KLHL32: variants seen among roughly 807,000 people sequenced by gnomAD.
KLHL32 encodes kelch-like protein 32.
In KLHL32, 35 loss-of-function variants were observed where a neutral mutation model predicts 64.8. That is an observed-to-expected ratio of 0.54 (90% CI 0.41 to 0.72). KLHL32 has a LOEUF of 0.72. Among genes scored for constraint, KLHL32 ranks in the 30% least tolerant of loss-of-function variants. The probability of loss-of-function intolerance (pLI) is 0.00; values close to 1 mark genes in which losing one functional copy is unlikely to be tolerated. For synonymous variants in KLHL32, 259 were observed against 281.0 expected, an observed-to-expected ratio of 0.92 and a Z score of 0.78; for missense variants, 589 against 768.5, an observed-to-expected ratio of 0.77 and a Z score of 2.76.
intron 1 of KLHL32, among the ~76,000 whole-genome samples, chr6:96,959,198 A>G (rs975060738): frequency 4.6e-5 from 7 of 152,140 alleles, no homozygotes; most frequent in Non-Finnish European, 8.8e-5. Context: ...GAGGCCTCCA[A>G]CGTCATGGAT....
At chr6:96,907,155 T>A in the KLHL32 span, among the ~76,000 whole-genome samples, 2 of 152,194 alleles carry the variant, frequency 1.3e-5, no homozygotes, top group African/African-American at 4.8e-5. Context: ...CTAATGGTAG[T>A]CTTCTAAAAA....
intron 6 of KLHL32, chr6:97,105,537 C>T (rs1467937718): frequency 2.1e-6 from 1 of 470,836 alleles, no homozygotes; most frequent in South Asian, 1.5e-5. Context: ...GATATGGACA[C>T]TTGTGCCTCA....
chr6:97,050,279 C>G (rs1319667571), intron 4 of KLHL32, among the ~76,000 whole-genome samples: 2 of 152,136 alleles, frequency 1.3e-5, no homozygotes, highest in African/African-American at 2.4e-5. Context: ...CGCAACCCCC[C>G]AACCCAAAAT....
Position 97,061,272 on chromosome 6 carries a change from G to A in KLHL32, c.313-3356G>A, listed in dbSNP as rs767772974. Among the ~76,000 whole-genome samples the A allele has an allele frequency of 5.3e-5, 8 of 152,278 alleles. No homozygotes were observed. In the East Asian group the frequency reaches 1.2e-3, roughly 22 times the overall value. ...GTGAGCTCCACCCAAGCAGGTGAGC[G>A]TCACTGGGGGTAGAGGCAATGCCCA... On this transcript the variant is annotated intron_variant, in intron 4 of 10. Coordinates refer to ENST00000369261, the MANE Select transcript of KLHL32 (RefSeq NM_052904.4).
intron 1 of KLHL32, among the ~76,000 whole-genome samples, chr6:96,925,555 A>G (rs537044047): frequency 6.6e-6 from 1 of 152,338 alleles, no homozygotes; most frequent in South Asian, 2.1e-4. Context: ...ATAAAGAAAG[A>G]TGACTGCAGT....
In KLHL32 at chr6:96,976,146, C is replaced by G; in HGVS notation, c.173C>G (p.Ala58Gly). Residue 58 changes from alanine to glycine, a missense_variant, in exon 3 of 11, where the codon GCA becomes GGA. By Grantham distance (60) the Ala-to-Gly change is moderately conservative. Coordinates refer to ENST00000369261, the MANE Select transcript of KLHL32 (RefSeq NM_052904.4). ...GAACAGAAATTCCATGCTCACAAGG[C>G]AGTCCTAGCAGCATGCAGTGACTAT... ...AEEQKFHAHK[A>G]VLAACSDYFR... 1 of 1,587,940 alleles carries G rather than the reference C, an allele frequency of 6.3e-7. No individual in the cohort carries two copies. Among genetic ancestry groups the G allele is most frequent in the East Asian group, 2.3e-5 (1 of 43,876 alleles).
intron 3 of KLHL32, among the ~76,000 whole-genome samples, chr6:97,018,680 A>G (rs1394462938): frequency 6.6e-6 from 1 of 152,208 alleles, no homozygotes; most frequent in Admixed American, 6.5e-5. Flanking sequence ...AGATGCTAAC[A>G]AAAACATATG....
At chr6:97,078,752 A>G (rs1230310794) in intron 5 of KLHL32, among the ~76,000 whole-genome samples, 1 of 152,226 alleles carries the variant, frequency 6.6e-6, no homozygotes, top group Admixed American at 6.5e-5. Flanking sequence ...AGTTTTAAGA[A>G]TGTCAAAACA....
intron 3 of KLHL32, among the ~76,000 whole-genome samples, chr6:96,988,965 G>A (rs1333610841): frequency 6.6e-6 from 1 of 151,964 alleles, no homozygotes; most frequent in Non-Finnish European, 1.5e-5. Flanking sequence ...GGGGTTGGGG[G>A]AGGGAGGAGG....
chr6:96,974,919 A>C (rs544243697), intron 2 of KLHL32, among the ~76,000 whole-genome samples: 58 of 152,362 alleles, frequency 3.8e-4, no homozygotes, highest in Non-Finnish European at 6.5e-4. Context: ...CTCAGCTTTG[A>C]GATGGATCTG....
chr6:97,014,294 C>CAA (rs778174425), intron 3 of KLHL32, among the ~76,000 whole-genome samples: 1 of 94,344 alleles, frequency 1.1e-5, no homozygotes. Flanking sequence ...GACTCCGTCT[C>CAA]AAAAAAAAAA....
intron 7 of KLHL32, among the ~76,000 whole-genome samples, chr6:97,124,310 C>T (rs202110375): frequency 6.6e-6 from 1 of 152,194 alleles, no homozygotes; most frequent in East Asian, 1.9e-4. Flanking sequence ...TTAATTTTTA[C>T]TCCCAACTAG....
chr6:96,970,847 T>A (rs761044377), intron 2 of KLHL32, among the ~76,000 whole-genome samples: 1 of 152,212 alleles, frequency 6.6e-6, no homozygotes, highest in South Asian at 2.1e-4. Flanking sequence ...TCTATAGAAA[T>A]GAAATTATTT....
At chr6:97,096,300 C>G (rs1794978357) in intron 6 of KLHL32, among the ~76,000 whole-genome samples, 1 of 152,208 alleles carries the variant, frequency 6.6e-6, no homozygotes, top group African/African-American at 2.4e-5. Flanking sequence ...CGCATGCACA[C>G]ACACATATTA....
intron 6 of KLHL32, among the ~76,000 whole-genome samples, chr6:97,101,097 T>G (rs1351079403): frequency 6.6e-6 from 1 of 151,322 alleles, no homozygotes; most frequent in Non-Finnish European, 1.5e-5. Context: ...CATGAGCCAC[T>G]GCATTCAGCC....
intron 3 of KLHL32, among the ~76,000 whole-genome samples, chr6:96,977,859 G>T (rs2128045849): frequency 6.6e-6 from 1 of 152,312 alleles, no homozygotes; most frequent in African/African-American, 2.4e-5. Flanking sequence ...GAAATAAAAA[G>T]TAGGGATTTA....
the KLHL32 span, among the ~76,000 whole-genome samples, chr6:96,906,606 T>C: frequency 5.3e-5 from 8 of 152,240 alleles, no homozygotes; most frequent in African/African-American, 1.9e-4. Flanking sequence ...GGAGGTTAAG[T>C]TTTTTGGTCC....
Position 97,113,911 on chromosome 6 carries a change from A to G in KLHL32, c.756A>G (p.Gln252=). ...TTGCCCTGTCCCACCCCCTTGTCCA[A>G]GCAAGTGAGACTGCAACAGCCCTTG... ...HTVALSHPLV[Q]ASETATALVN... Residue 252 remains glutamine (Q), a synonymous_variant, in exon 7 of 11, where the codon CAA becomes CAG. Transcript: ENST00000369261. 6.2e-7 allele frequency: 1 copy of G among 1,614,124 alleles called. No individual in the cohort carries two copies. The highest frequency in any genetic ancestry group is 1.3e-5 in the African/African-American group (1 of 75,036).
At chr6:96,988,036 G>A (rs1457979622) in intron 3 of KLHL32, among the ~76,000 whole-genome samples, 1 of 152,226 alleles carries the variant, frequency 6.6e-6, no homozygotes, top group African/African-American at 2.4e-5. Context: ...TCAGGACATA[G>A]GCATGGGCAA....
Sources: allele counts gnomAD v4.1 joint callset (sites outside exome capture counted in the v4.1 genomes callset), GRCh38; gene constraint gnomAD v4.1.1; transcripts MANE v1.5; gene names NCBI Gene and HGNC (gene_info 2026-07-23, HGNC 2026-07-21).